The following SLC20A2 variants were observed in gnomAD, a reference collection of about 807,000 sequenced individuals.
SLC20A2 encodes sodium-dependent phosphate transporter 2.
SLC20A2 carries 30 observed loss-of-function variants against 61.0 expected under a neutral mutation model. The observed-to-expected ratio is 0.49, with a 90% CI of 0.37 to 0.67. The LOEUF is 0.67. SLC20A2 is among the 30% of genes least tolerant of loss of function. The probability of loss-of-function intolerance (pLI) is 0.00; values close to 1 mark genes in which losing one functional copy is unlikely to be tolerated. For missense variants in SLC20A2, 626 were observed against 866.4 expected, an observed-to-expected ratio of 0.72 and a Z score of 3.48; for synonymous variants, 351 against 353.3, an observed-to-expected ratio of 0.99 and a Z score of 0.07.
chr8:42,472,092 G>A lies in SLC20A2; in HGVS notation c.289+10C>T, dbSNP rs1807684544. 2.5e-6 allele frequency: 4 copies of A among 1,611,642 alleles called. No individual in the cohort carries two copies. The highest frequency in any genetic ancestry group is 1.7e-5 in the Admixed American group (1 of 59,986). On this transcript the variant is annotated intron_variant, in intron 2 of 10. Coordinates refer to ENST00000520262, the MANE Select transcript of SLC20A2 (RefSeq NM_001257180.2). This position sits in a 1 kb window ranked among gnomAD's most constrained non-coding sequence, Gnocchi z 4.1. ...GGATGTCCCATCGGTATAGAGAAGA[G>A]GCTACTCACCAACCATGGCACTAAC...
intron 1 of SLC20A2, among the ~76,000 whole-genome samples, chr8:42,514,417 CT>C (rs71548587): frequency 0.086 from 13,132 of 152,160 alleles, 647 homozygotes; most frequent in Middle Eastern, 0.19. Context: ...AATTATTAGC[CT>C]TTTTTGGGTT....
rs145878381 is a variant in SLC20A2, at chr8:42,462,566, T to C, written c.516+439A>G. Among the ~76,000 whole-genome samples the C allele has an allele frequency of 9.2e-4, 139 of 151,656 alleles. 1 individual carries two copies. Among genetic ancestry groups the C allele is most frequent in the Admixed American group, 8.0e-3 (122 of 15,242 alleles). On this transcript the variant is annotated intron_variant, in intron 4 of 10. Transcript: ENST00000520262. ...CTTTTTATCCTTTCCTCAAATTGCG[T>C]CAGTGTTTCAACCTTGCTCTCTCCA...
chr8:42,461,076 G>A (rs1441623321), intron 4 of SLC20A2, among the ~76,000 whole-genome samples: 1 of 152,234 alleles, frequency 6.6e-6, no homozygotes, highest in Non-Finnish European at 1.5e-5. Flanking sequence ...GGAGCCAAGA[G>A]CACTTGTCAA....
chr8:42,489,730 A>G (rs531527428), intron 1 of SLC20A2, among the ~76,000 whole-genome samples: 21 of 152,310 alleles, frequency 1.4e-4, no homozygotes, highest in Non-Finnish European at 4.4e-5. Context: ...AGCACAAGCC[A>G]CTTAGTGGCC....
At chr8:42,484,772 TA>T (rs2131286878) in intron 1 of SLC20A2, 2 of 338,578 alleles carry the variant, frequency 5.9e-6, no homozygotes, top group South Asian at 5.6e-5. Context: ...GCCAGGCAGC[TA>T]AAGGCTGCTC....
intron 1 of SLC20A2, chr8:42,480,647 C>T (rs1279596869): frequency 1.3e-5 from 2 of 151,982 alleles, no homozygotes; most frequent in Non-Finnish European, 2.9e-5. Flanking sequence ...TACTATATTC[C>T]AGTTATTTAT....
At chr8:42,429,571 G>T (rs772200907) in intron 9 of SLC20A2, among the ~76,000 whole-genome samples, 3 of 152,218 alleles carry the variant, frequency 2.0e-5, no homozygotes, top group Non-Finnish European at 2.9e-5. Flanking sequence ...AAGGCTATGC[G>T]GTTGAGAGAC....
chr8:42,430,521 C>T (rs1388761333), intron 8 of SLC20A2, among the ~76,000 whole-genome samples: 2 of 152,116 alleles, frequency 1.3e-5, no homozygotes, highest in Non-Finnish European at 2.9e-5. Context: ...GGCCACCACA[C>T]CCAGCTAATT....
At chr8:42,444,546 A>G (rs1805047495) in intron 6 of SLC20A2, 100 bp downstream of exon 6, 3 of 887,468 alleles carry the variant, frequency 3.4e-6, no homozygotes. Flanking sequence ...AGTCACCCAC[A>G]CTTCCATTTC....
intron 1 of SLC20A2, among the ~76,000 whole-genome samples, chr8:42,527,338 C>T (rs533616136): frequency 3.2e-4 from 49 of 150,784 alleles, no homozygotes; most frequent in African/African-American, 1.1e-3. Context: ...CACCATTGCA[C>T]TCCAGCCTGG....
chr8:42,518,437 A>G (rs13264131), intron 1 of SLC20A2, among the ~76,000 whole-genome samples: 22,544 of 152,178 alleles, frequency 0.15, 1,878 homozygotes, highest in South Asian at 0.23. Context: ...TATCTATGAT[A>G]TATTGAGGAG....
At chr8:42,524,526 C>T (rs1811793543) in intron 1 of SLC20A2, among the ~76,000 whole-genome samples, 1 of 152,000 alleles carries the variant, frequency 6.6e-6, no homozygotes, top group African/African-American at 2.4e-5. Context: ...TGTGGCTCAC[C>T]CCTGTAATCC....
chr8:42,447,891 T>C (rs1389933668), intron 5 of SLC20A2, among the ~76,000 whole-genome samples: 1 of 152,210 alleles, frequency 6.6e-6, no homozygotes, highest in Non-Finnish European at 1.5e-5. Flanking sequence ...GACTCAGCTC[T>C]GCCACGCGGC....
chr8:42,530,396 G>GT, intron 1 of SLC20A2, among the ~76,000 whole-genome samples: 1 of 152,238 alleles, frequency 6.6e-6, no homozygotes, highest in Middle Eastern at 3.4e-3. Context: ...ATATAACCCA[G>GT]TGTTGGGATT....
chr8:42,536,821 C>G (rs1812732410), intron 1 of SLC20A2, among the ~76,000 whole-genome samples: 1 of 152,136 alleles, frequency 6.6e-6, no homozygotes, highest in Non-Finnish European at 1.5e-5. Context: ...CACCTGTAAT[C>G]ACAGCACTTT....
intron 1 of SLC20A2, among the ~76,000 whole-genome samples, chr8:42,533,529 C>T (rs150178517): frequency 3.9e-5 from 6 of 151,952 alleles, no homozygotes; most frequent in African/African-American, 1.5e-4. Context: ...AGCACGAGAA[C>T]TGCTTGAGCC....
intron 6 of SLC20A2, among the ~76,000 whole-genome samples, chr8:42,442,141 C>T (rs1804837396): frequency 6.6e-6 from 1 of 152,158 alleles, no homozygotes; most frequent in Non-Finnish European, 1.5e-5. Flanking sequence ...CCATGTTGGC[C>T]AGGCTGATCT....
chr8:42,436,358 G>C (rs980606917), intron 8 of SLC20A2, among the ~76,000 whole-genome samples: 3 of 152,100 alleles, frequency 2.0e-5, no homozygotes, highest in Non-Finnish European at 4.4e-5. Flanking sequence ...CAGGGCCTCC[G>C]TCATCCCTAA....
chr8:42,496,636 G>T (rs1020504923), intron 1 of SLC20A2, among the ~76,000 whole-genome samples: 3 of 152,206 alleles, frequency 2.0e-5, no homozygotes, highest in African/African-American at 4.8e-5. Context: ...GTGCCCCTGG[G>T]CTATTTGTTG....
Sources: gnomAD v4.1 joint callset for allele counts (sites outside exome capture counted in the v4.1 genomes callset) on GRCh38, gnomAD v4.1.1 for gene constraint, Gnocchi (gnomAD v3.1) non-coding constraint, MANE v1.5 for transcripts, NCBI Gene and HGNC (gene_info 2026-07-23, HGNC 2026-07-21) for gene names.